FHIT: variants seen among roughly 807,000 people sequenced by gnomAD.
FHIT encodes bis(5'-adenosyl)-triphosphatase.
FHIT carries 19 observed loss-of-function variants against 17.9 expected under a neutral mutation model. The ratio of observed to expected loss-of-function variants is 1.06; its 90% CI spans 0.74 to 1.56. The LOEUF is 1.56. Ranked by LOEUF, FHIT falls within the 40% of genes most tolerant of loss-of-function variation. The pLI, the probability that FHIT is intolerant of heterozygous loss-of-function variation, is 0.00. For synonymous variants in FHIT, 81 were observed against 69.7 expected (o/e 1.16, Z -0.81); for missense variants, 248 against 189.2 (o/e 1.31, Z -1.82).
chr3:60,065,668 T>A (rs147305439), intron 5 of FHIT, among the ~76,000 whole-genome samples: 1 of 152,180 alleles, frequency 6.6e-6, no homozygotes, highest in Non-Finnish European at 1.5e-5. Flanking sequence ...ATTGAGTTTT[T>A]ATTTTGCACT....
chr3:60,605,512 C>A (rs1405678180), intron 4 of FHIT, among the ~76,000 whole-genome samples: 1 of 152,138 alleles, frequency 6.6e-6, no homozygotes, highest in African/African-American at 2.4e-5. Context: ...AGAAAAGAAC[C>A]CTGAAAGACC....
chr3:60,175,395 C>T (rs1458072950), intron 5 of FHIT, among the ~76,000 whole-genome samples: 4 of 152,074 alleles, frequency 2.6e-5, no homozygotes, highest in African/African-American at 9.7e-5. Flanking sequence ...TGAATCTGTC[C>T]TACAGGGTAT....
intron 3 of FHIT, among the ~76,000 whole-genome samples, chr3:60,949,184 C>G (rs6772908): frequency 9.9e-5 from 15 of 151,924 alleles, no homozygotes; most frequent in Non-Finnish European, 1.8e-4. Flanking sequence ...TATTCTCAAG[C>G]GAAGGAAGGG....
intron 5 of FHIT, among the ~76,000 whole-genome samples, chr3:60,173,215 T>C (rs934922660): frequency 2.0e-5 from 3 of 152,156 alleles, no homozygotes; most frequent in African/African-American, 7.2e-5. Context: ...TGATGGATTA[T>C]GCAGCAGGGA....
intron 4 of FHIT, among the ~76,000 whole-genome samples, chr3:60,604,483 G>A (rs1310855876): frequency 3.9e-5 from 6 of 152,164 alleles, no homozygotes; most frequent in African/African-American, 9.7e-5. Context: ...CATTTTTGCC[G>A]CAGATAAAAT....
At chr3:60,015,484 C>A (rs990677130) in intron 5 of FHIT, among the ~76,000 whole-genome samples, 1 of 152,200 alleles carries the variant, frequency 6.6e-6, no homozygotes, top group African/African-American at 2.4e-5. Context: ...GCTTTATTAT[C>A]ATGGGTCAAT....
chr3:60,770,521 G>A (rs1373677610), intron 4 of FHIT, among the ~76,000 whole-genome samples: 1 of 152,136 alleles, frequency 6.6e-6, no homozygotes, highest in Non-Finnish European at 1.5e-5. Flanking sequence ...GAGCAATGAG[G>A]AAAAACAGGC....
intron 7 of FHIT, among the ~76,000 whole-genome samples, chr3:59,961,972 A>G (rs950198573): frequency 6.6e-6 from 1 of 152,182 alleles, no homozygotes; most frequent in South Asian, 2.1e-4. Flanking sequence ...CAGGCCTAGC[A>G]TGGTGTCTGG....
At chr3:61,175,810 G>C (rs2038141026) in intron 2 of FHIT, among the ~76,000 whole-genome samples, 2 of 152,122 alleles carry the variant, frequency 1.3e-5, no homozygotes, top group African/African-American at 4.8e-5. Context: ...CTGGTGCATT[G>C]ATCTTGGACT....
intron 4 of FHIT, among the ~76,000 whole-genome samples, chr3:60,569,977 G>A (rs2037318593): frequency 6.6e-6 from 1 of 151,688 alleles, no homozygotes; most frequent in African/African-American, 2.4e-5. Context: ...TTACCCAGTG[G>A]TACAATCATT....
At chr3:61,117,005 C>T (rs1010252850) in intron 2 of FHIT, among the ~76,000 whole-genome samples, 4 of 151,948 alleles carry the variant, frequency 2.6e-5, no homozygotes, top group African/African-American at 9.7e-5. Flanking sequence ...AGTCATTAAA[C>T]AAAATTATAA....
intron 3 of FHIT, among the ~76,000 whole-genome samples, chr3:60,898,492 G>A (rs1553762410): frequency 6.6e-6 from 1 of 152,172 alleles, no homozygotes; most frequent in African/African-American, 2.4e-5. Context: ...ACCCACATTA[G>A]TGTTATCTTT....
At chr3:61,091,394 A>T (rs1293795784) in intron 2 of FHIT, among the ~76,000 whole-genome samples, 1 of 152,134 alleles carries the variant, frequency 6.6e-6, no homozygotes, top group African/African-American at 2.4e-5. Flanking sequence ...CTTCATCTGT[A>T]AAATGGGAGC....
chr3:59,979,741 C>T (rs890353320), intron 7 of FHIT, among the ~76,000 whole-genome samples: 4 of 152,092 alleles, frequency 2.6e-5, no homozygotes, highest in African/African-American at 9.7e-5. Flanking sequence ...TCGCTATACT[C>T]CCACCCTGCC....
At chr3:59,940,220 G>A (rs1044288349) in intron 7 of FHIT, among the ~76,000 whole-genome samples, 8 of 152,114 alleles carry the variant, frequency 5.3e-5, no homozygotes, top group Admixed American at 5.2e-4. Context: ...ATAGATGTAA[G>A]GTGTTTGCAG....
At chr3:60,471,852 G>A (rs962435222) in intron 5 of FHIT, among the ~76,000 whole-genome samples, 18 of 151,834 alleles carry the variant, frequency 1.2e-4, no homozygotes, top group African/African-American at 3.9e-4. Context: ...AAGCCTTCAC[G>A]CTAAGCATGG....
At chr3:60,473,839 C>T (rs1025794990) in intron 5 of FHIT, among the ~76,000 whole-genome samples, 5 of 152,010 alleles carry the variant, frequency 3.3e-5, no homozygotes, top group Admixed American at 2.0e-4. Context: ...AGGAGAATTA[C>T]TTGAACCCGG....
chr3:60,895,661 CCTTCCTTT>C lies in FHIT; in HGVS notation c.-110-73658_-110-73651del, dbSNP rs1178227632. The stretch of plus-strand genomic sequence containing the variant: ...CTTTCCTTCCTTTCCCTCCTTCCTT[CCTTCCTTT>C]CTTTCTTTCTTTCTTTCTTTCTTTC... On this transcript the variant is annotated intron_variant, in intron 3 of 9. Coordinates refer to ENST00000492590, the MANE Select transcript of FHIT (RefSeq NM_002012.4). Among the ~76,000 whole-genome samples the C allele has an allele frequency of 1.5e-3, 211 of 139,032 alleles. 2 individuals carry two copies. Among genetic ancestry groups the C allele is most frequent in the African/African-American group, 5.0e-3 (170 of 34,054 alleles). The allele number at this position is 139,032 out of a possible 152,430, so 91.2% of individuals were successfully genotyped here. A position where few individuals can be genotyped will look rare whatever the true frequency, so the allele number is the denominator to read the frequency against.
At chr3:60,993,265 G>C (rs1439246492) in intron 3 of FHIT, among the ~76,000 whole-genome samples, 1 of 152,200 alleles carries the variant, frequency 6.6e-6, no homozygotes, top group East Asian at 1.9e-4. Context: ...ATACATAATT[G>C]ATTGCCTTTA....
Sources: gnomAD v4.1 joint callset for allele counts (sites outside exome capture counted in the v4.1 genomes callset) on GRCh38, gnomAD v4.1.1 for gene constraint, MANE v1.5 for transcripts, NCBI Gene and HGNC (gene_info 2026-07-23, HGNC 2026-07-21) for gene names.